COL11A1: variants seen among roughly 807,000 people sequenced by gnomAD.
COL11A1 encodes collagen type XI alpha 1 chain.
In COL11A1, 74 loss-of-function variants were observed where a neutral mutation model predicts 265.2. That is an observed-to-expected ratio of 0.28 (90% CI 0.23 to 0.34). The LOEUF (loss-of-function observed/expected upper bound fraction) is 0.34. Among genes scored for constraint, COL11A1 ranks in the 10% least tolerant of loss-of-function variants. The pLI is 1.00. For synonymous variants in COL11A1, 816 were observed against 727.6 expected (o/e 1.12, Z -1.96); for missense variants, 2,165 against 2,263.6 (o/e 0.96, Z 0.88).
At chr1:102,921,882 GTTA>G (rs1459478836) in intron 47 of COL11A1, among the ~76,000 whole-genome samples, 1 of 152,188 alleles carries the variant, frequency 6.6e-6, no homozygotes, top group African/African-American at 2.4e-5. Flanking sequence ...GCTAGAATAT[GTTA>G]CAACATAAAG....
intron 12 of COL11A1, among the ~76,000 whole-genome samples, chr1:103,014,817 A>G (rs563448212): frequency 7.6e-4 from 116 of 152,250 alleles, no homozygotes; most frequent in Middle Eastern, 3.4e-3. Context: ...AGAAGAAGAA[A>G]CTAGAAACTC....
At chr1:103,017,692 C>G (rs555837285) in intron 11 of COL11A1, 128 bp downstream of exon 11, 10 of 797,996 alleles carry the variant, frequency 1.3e-5, no homozygotes, top group African/African-American at 1.2e-4. Context: ...TTGTGCAGCA[C>G]TGAATTCATG....
intron 35 of COL11A1, 89 bp downstream of exon 35, chr1:102,978,619 A>G (rs970236484): frequency 1.2e-5 from 16 of 1,369,266 alleles, no homozygotes; most frequent in African/African-American, 1.0e-4. Context: ...ATGCACATGT[A>G]TTAGCAGACA....
In COL11A1 at chr1:103,022,773, A is replaced by C; in HGVS notation, c.1214T>G (p.Val405Gly). The change falls in exon 8 of 67, where the codon GTA becomes GGA. Residue 405 changes from valine (V) to glycine (G), a missense_variant. Val to Gly is a moderately radical substitution (Grantham distance 109). Coordinates refer to ENST00000370096, the MANE Select transcript of COL11A1 (RefSeq NM_001854.4). ...TTCTGTAATATCAGTTTCTGCTGGT[A>C]CACCTGGACCAAATTCTTCATTAGG... Reference protein sequence around the residue: ...SPPNEEFGPGVPAETDITETS... With the variant: ...SPPNEEFGPGGPAETDITETS... 1 of 1,613,710 alleles carries C rather than the reference A, an allele frequency of 6.2e-7. No individual in the cohort carries two copies. Among genetic ancestry groups the C allele is most frequent in the East Asian group, 2.2e-5 (1 of 44,838 alleles).
Position 102,935,053 on chromosome 1 carries a change from T to A in COL11A1, c.3492+7A>T. ...TTTAGATTTGCTGAACAATGTGGAA[T>A]ACTCACAGCAATTCCAGGGGCACCA... On this transcript the variant is annotated splice_region_variant and intron_variant, in intron 45 of 66. Transcript: ENST00000370096. 1 of 1,613,806 alleles carries A rather than the reference T, an allele frequency of 6.2e-7. No individual in the cohort carries two copies. Among genetic ancestry groups the A allele is most frequent in the South Asian group, 1.1e-5 (1 of 91,072 alleles).
chr1:103,041,936 C>T (rs951149227), intron 4 of COL11A1, among the ~76,000 whole-genome samples: 6 of 151,580 alleles, frequency 4.0e-5, no homozygotes, highest in South Asian at 2.1e-4. Context: ...AATATAGGTT[C>T]GTTATTTTAG....
chr1:102,930,090 T>C (rs1166544075), intron 46 of COL11A1, among the ~76,000 whole-genome samples: 4 of 152,178 alleles, frequency 2.6e-5, no homozygotes, highest in Admixed American at 6.5e-5. Flanking sequence ...TATTTCCTTC[T>C]CCTGCCTAAC....
intron 9 of COL11A1, among the ~76,000 whole-genome samples, chr1:103,019,991 T>A (rs13376082): frequency 0.13 from 18,668 of 140,048 alleles, 1,330 homozygotes; most frequent in African/African-American, 0.15. Flanking sequence ...TCTATCCTTG[T>A]TGGACATTTG....
chr1:102,995,993 A>C lies in COL11A1; in HGVS notation c.2291T>G (p.Val764Gly), dbSNP rs1570977776. 1 of 1,613,286 alleles carries C rather than the reference A, an allele frequency of 6.2e-7. No individual in the cohort carries two copies. The highest frequency in any genetic ancestry group is 8.5e-7 in the Non-Finnish European group (1 of 1,179,574). ...GPIGYPGPRG[V>G]KGADGVRGLK... ...GTGAAAACAATTTAACGTTACCTTTACTCCCCGGGGGCCCGGGTATCCAAT... is the reference window on the plus strand; with the variant it reads ...GTGAAAACAATTTAACGTTACCTTTCCTCCCCGGGGGCCCGGGTATCCAAT... Residue 764 changes from valine (V) to glycine (G), a missense_variant, in exon 27 of 67, where the codon GTA (valine) becomes GGA (glycine). Coordinates refer to ENST00000370096, the MANE Select transcript of COL11A1 (RefSeq NM_001854.4).
At chr1:102,919,706 C>T (rs898508796) in intron 49 of COL11A1, among the ~76,000 whole-genome samples, 2 of 151,598 alleles carry the variant, frequency 1.3e-5, no homozygotes, top group African/African-American at 4.8e-5. Flanking sequence ...AAAGGAAGAG[C>T]AGACCTTTAA....
At chr1:102,921,771 T>C (rs1012171197) in intron 47 of COL11A1, among the ~76,000 whole-genome samples, 200 bp from the exon 48 acceptor site, 2 of 152,136 alleles carry the variant, frequency 1.3e-5, no homozygotes, top group African/African-American at 2.4e-5. Context: ...TATGAGGAAA[T>C]TAGGATTTCA....
chr1:102,916,933 G>A (rs1655407240), intron 49 of COL11A1, among the ~76,000 whole-genome samples: 1 of 151,932 alleles, frequency 6.6e-6, no homozygotes, highest in Non-Finnish European at 1.5e-5. Flanking sequence ...TCTTAAAAAT[G>A]AAACAAGTAG....
At chr1:103,035,719 TA>T (rs1359741340) in intron 4 of COL11A1, among the ~76,000 whole-genome samples, 1 of 152,044 alleles carries the variant, frequency 6.6e-6, no homozygotes, top group African/African-American at 2.4e-5. Context: ...CAACCATATT[TA>T]AAATCATCAT....
At chr1:102,937,920 C>T (rs1054602360) in intron 44 of COL11A1, among the ~76,000 whole-genome samples, 5 of 152,118 alleles carry the variant, frequency 3.3e-5, no homozygotes, top group Admixed American at 1.3e-4. Flanking sequence ...CATATGCAGC[C>T]GGTTTTCTGT....
At chr1:102,966,618 A>C (rs1464669200) in intron 37 of COL11A1, among the ~76,000 whole-genome samples, 1 of 152,136 alleles carries the variant, frequency 6.6e-6, no homozygotes, top group Non-Finnish European at 1.5e-5. Flanking sequence ...AATGTCATAA[A>C]ATTTATTTAG....
chr1:103,099,762 A>G (rs1418166536), intron 1 of COL11A1, among the ~76,000 whole-genome samples: 2 of 151,912 alleles, frequency 1.3e-5, no homozygotes, highest in African/African-American at 2.4e-5. Flanking sequence ...TGTAGCTACA[A>G]ATATTCAGTG....
chr1:103,021,884 G>C (rs1440175770), intron 8 of COL11A1, 115 bp from the exon 9 acceptor site: 6 of 798,246 alleles, frequency 7.5e-6, no homozygotes, highest in African/African-American at 3.6e-5. Context: ...GTCTCCCTCT[G>C]TTGCCCAGGT....
chr1:103,051,226 T>G (rs1669795544), intron 4 of COL11A1, among the ~76,000 whole-genome samples: 1 of 152,206 alleles, frequency 6.6e-6, no homozygotes, highest in Non-Finnish European at 1.5e-5. Flanking sequence ...CAGGCAGGCC[T>G]CCTTGAGCTG....
intron 28 of COL11A1, among the ~76,000 whole-genome samples, chr1:102,990,144 T>C (rs572588616): frequency 1.3e-5 from 2 of 152,146 alleles, no homozygotes; most frequent in South Asian, 4.2e-4. Flanking sequence ...GTGATTGTGC[T>C]ACTGTACTCA....
Sources: gnomAD v4.1 joint callset for allele counts (sites outside exome capture counted in the v4.1 genomes callset) on GRCh38, gnomAD v4.1.1 for gene constraint, MANE v1.5 for transcripts, NCBI Gene and HGNC (gene_info 2026-07-23, HGNC 2026-07-21) for gene names.